The following ZNF678 variants were observed in gnomAD, a reference collection of about 807,000 sequenced individuals.
ZNF678 encodes hypothetical protein MGC42493.
In ZNF678, 5 loss-of-function variants were observed where a neutral mutation model predicts 3.0. That is an observed-to-expected ratio of 1.69 (90% CI 0.88 to 3.56). ZNF678 has a LOEUF of 3.56. Among genes scored for constraint, ZNF678 ranks in the 30% most tolerant of loss-of-function variants. ZNF678 has a pLI of 0.00. For missense variants in ZNF678, 593 were observed against 605.0 expected (o/e 0.98, Z 0.21); for synonymous variants, 218 against 199.6 (o/e 1.09, Z -0.78).
chr1:227,654,889 A>C lies in ZNF678; in HGVS notation c.639A>C (p.Glu213Asp). The change falls in exon 4 of 4, where the codon GAA (glutamate) becomes GAC (aspartate). Residue 213 changes from glutamate to aspartate, a missense_variant. By Grantham distance (45) the Glu-to-Asp change is conservative. Transcript: ENST00000343776. ...HSGEKPYPCE[E>D]CGKAFTQFSN... ...GAGAGAAACCATACCCATGTGAAGAATGTGGCAAAGCCTTTACCCAGTTCT... is the reference window on the plus strand; with the variant it reads ...GAGAGAAACCATACCCATGTGAAGACTGTGGCAAAGCCTTTACCCAGTTCT... 6.2e-6 allele frequency: 10 copies of C among 1,608,810 alleles called. No homozygotes were observed. The highest frequency in any genetic ancestry group is 8.5e-6 in the Non-Finnish European group (10 of 1,179,070).
intron 2 of ZNF678, 116 bp from the exon 3 acceptor site, chr1:227,650,840 T>G (rs1659072211): frequency 1.4e-6 from 1 of 722,380 alleles, no homozygotes; most frequent in South Asian, 2.9e-5. Context: ...TTTGATTTAT[T>G]TGTTATGGCT....
chr1:227,583,373 A>AC (rs1304104733), intron 1 of ZNF678, among the ~76,000 whole-genome samples: 1 of 121,868 alleles, frequency 8.2e-6, no homozygotes, highest in African/African-American at 3.2e-5. Context: ...TTTTTTTGAG[A>AC]CAGAGTCTTG....
chr1:227,588,013 G>A (rs2102734694), intron 1 of ZNF678, among the ~76,000 whole-genome samples: 1 of 151,908 alleles, frequency 6.6e-6, no homozygotes, highest in South Asian at 2.1e-4. Context: ...TGCCCAGTGT[G>A]TGTTGTTCCC....
chr1:227,598,581 G>T, intron 1 of ZNF678: 1 of 682,820 alleles, frequency 1.5e-6, no homozygotes, highest in South Asian at 1.8e-5. Context: ...CTGTGATTCT[G>T]ACAAGGACTT....
chr1:227,613,661 T>C (rs1658077130), intron 1 of ZNF678, among the ~76,000 whole-genome samples: 1 of 152,224 alleles, frequency 6.6e-6, no homozygotes, highest in Non-Finnish European at 1.5e-5. Context: ...ACCCTTGTTA[T>C]TGCAACCTCT....
chr1:227,591,551 G>A (rs1340004048), intron 1 of ZNF678, among the ~76,000 whole-genome samples: 1 of 152,106 alleles, frequency 6.6e-6, no homozygotes, highest in Non-Finnish European at 1.5e-5. Flanking sequence ...AAGGTGACTT[G>A]TTTGGGCACC....
rs770845035 is a variant in ZNF678, at chr1:227,654,552, A to C, written c.302A>C (p.Glu101Ala). The C allele has an allele frequency of 4.3e-6, 7 of 1,613,388 alleles. No individual in the cohort carries two copies. The highest frequency in any genetic ancestry group is 5.1e-6 in the Non-Finnish European group (6 of 1,179,564). ...STKSKIFQCIECGRNFSWRSI... is the reference protein window; with the variant it reads ...STKSKIFQCIACGRNFSWRSI... ...AAAAGCAAAATCTTTCAATGTATTG[A>C]ATGTGGCAGAAATTTTAGCTGGAGG... Residue 101 changes from glutamate (E) to alanine (A), a missense_variant, in exon 4 of 4, where the codon GAA becomes GCA. Physicochemically the swap from Glu to Ala is moderately radical, Grantham distance 107. Transcript: ENST00000343776.
intron 1 of ZNF678, among the ~76,000 whole-genome samples, chr1:227,612,343 C>T (rs1658040894): frequency 6.6e-6 from 1 of 152,184 alleles, no homozygotes; most frequent in Admixed American, 6.5e-5. Flanking sequence ...CATGCAAGGC[C>T]AGTCTGAAAC....
At chr1:227,598,562 C>T in intron 1 of ZNF678, 1 of 764,988 alleles carries the variant, frequency 1.3e-6, no homozygotes, top group Non-Finnish European at 2.1e-6. Flanking sequence ...CTCGTACCTC[C>T]TCAGTAAACT....
rs574052316 is a variant in ZNF678 at position 227,655,404 on chromosome 1, C to T, written c.1154C>T (p.Ala385Val). ...TACAAATGCAAAGAATGTGGCAAAG[C>T]GTTTAACAAGTTCTCAAGCCTTACT... is the stretch of plus-strand genomic sequence containing the variant. ...KPYKCKECGKAFNKFSSLTQH... is the reference protein window; with the variant it reads ...KPYKCKECGKVFNKFSSLTQH... The change falls in exon 4 of 4, where the codon GCG becomes GTG. Residue 385 changes from alanine to valine, a missense_variant. By Grantham distance (64) the Ala-to-Val change is moderately conservative. Coordinates refer to ENST00000343776, the MANE Select transcript of ZNF678 (RefSeq NM_001367909.1). The T allele has an allele frequency of 3.7e-6, 6 of 1,612,062 alleles. No homozygotes were observed. Among genetic ancestry groups the T allele is most frequent in the Admixed American group, 1.7e-5 (1 of 59,820 alleles).
intron 1 of ZNF678, among the ~76,000 whole-genome samples, chr1:227,600,888 T>A (rs1657721567): frequency 6.6e-6 from 1 of 152,182 alleles, no homozygotes; most frequent in African/African-American, 2.4e-5. Flanking sequence ...TACTAGGTTG[T>A]ATACCAGGGT....
chr1:227,593,866 CCTT>C (rs56325005), intron 1 of ZNF678, among the ~76,000 whole-genome samples: 28,138 of 85,604 alleles, frequency 0.33, 2,936 homozygotes, highest in African/African-American at 0.4. Flanking sequence ...CCCCCCCCCC[CCTT>C]TTTTTTTTTT....
intron 1 of ZNF678, among the ~76,000 whole-genome samples, chr1:227,605,903 G>T (rs2102754730): frequency 6.6e-6 from 1 of 152,294 alleles, no homozygotes; most frequent in Admixed American, 6.5e-5. Flanking sequence ...AGCATAAATG[G>T]ATAAATTAAT....
intron 1 of ZNF678, among the ~76,000 whole-genome samples, chr1:227,591,244 A>G (rs926487087): frequency 1.4e-5 from 2 of 148,074 alleles, no homozygotes; most frequent in Admixed American, 1.3e-4. Flanking sequence ...ATCAATTTTT[A>G]GGGTTACACG....
At chr1:227,630,829 T>A (rs1040178372) in intron 1 of ZNF678, among the ~76,000 whole-genome samples, 1 of 152,174 alleles carries the variant, frequency 6.6e-6, no homozygotes, top group Admixed American at 6.5e-5. Flanking sequence ...GGAGGTAGAC[T>A]CTGAGAGCTT....
intron 1 of ZNF678, among the ~76,000 whole-genome samples, chr1:227,577,155 C>G (rs556659581): frequency 1.3e-5 from 2 of 152,078 alleles, no homozygotes; most frequent in Non-Finnish European, 2.9e-5. Flanking sequence ...TGTCTTTCTT[C>G]TGATTATGTG....
chr1:227,607,905 A>G (rs1197736970), intron 1 of ZNF678, among the ~76,000 whole-genome samples: 1 of 151,058 alleles, frequency 6.6e-6, no homozygotes, highest in Non-Finnish European at 1.5e-5. Context: ...CATTAAAACT[A>G]TTATAAAATA....
At chr1:227,573,399 G>A (rs531297027) in intron 1 of ZNF678, among the ~76,000 whole-genome samples, 38 of 152,344 alleles carry the variant, frequency 2.5e-4, no homozygotes, top group African/African-American at 8.7e-4. Context: ...CCCATTGACA[G>A]ATTGAGCTCA....
chr1:227,613,390 A>G (rs1469878867), intron 1 of ZNF678, among the ~76,000 whole-genome samples: 1 of 152,172 alleles, frequency 6.6e-6, no homozygotes, highest in African/African-American at 2.4e-5. Context: ...ACTTTGGGCA[A>G]CACCACATGG....
Sources: gnomAD v4.1 joint callset for allele counts (sites outside exome capture counted in the v4.1 genomes callset) on GRCh38, gnomAD v4.1.1 for gene constraint, MANE v1.5 for transcripts, NCBI Gene and HGNC (gene_info 2026-07-23, HGNC 2026-07-21) for gene names.